Variants in FARP1 observed in about 807,000 individuals in gnomAD.
FARP1 encodes the protein FERM, ARHGEF and pleckstrin domain-containing protein 1.
In FARP1, 52 loss-of-function variants were observed where a neutral mutation model predicts 128.8. The ratio of observed to expected loss-of-function variants is 0.40; its 90% CI spans 0.32 to 0.51. FARP1 has a LOEUF of 0.51. Among genes scored for constraint, FARP1 ranks in the 20% least tolerant of loss-of-function variants. FARP1 has a pLI of 0.45. For missense variants in FARP1, 1,333 were observed against 1,367.9 expected (o/e 0.97, Z 0.40); for synonymous variants, 580 against 551.8 (o/e 1.05, Z -0.72).
intron 2 of FARP1, among the ~76,000 whole-genome samples, chr13:98,236,479 G>T (rs1377863739): frequency 6.6e-6 from 1 of 151,912 alleles, no homozygotes; most frequent in Non-Finnish European, 1.5e-5. Context: ...GAACAACACA[G>T]GTTTGAACTT....
chr13:98,447,890 C>T, intron 26 of FARP1: 1 of 282,560 alleles, frequency 3.5e-6, no homozygotes, highest in Non-Finnish European at 6.7e-6. Context: ...TTCCACTAAG[C>T]AGGATGGGAC....
chr13:98,198,664 G>A lies in FARP1; in HGVS notation c.-23-14556G>A, dbSNP rs371476321. 5.9e-5 allele frequency among the ~76,000 whole-genome samples: 9 copies of A among 151,944 alleles called. No homozygotes were observed. In the East Asian group the frequency reaches 1.2e-3, roughly 20 times the overall value. On this transcript the variant is annotated intron_variant, in intron 1 of 26. Transcript: ENST00000319562. ...GGCTGAGGAGGGCGGATCACTTAAG[G>A]CCAGGAGTTAGAAACCAGCCTGGCC...
intron 13 of FARP1, chr13:98,396,315 T>A (rs937896724): frequency 2.5e-6 from 1 of 399,102 alleles, no homozygotes; most frequent in Admixed American, 4.4e-5. Flanking sequence ...GCAGTGGGAC[T>A]GAGTCCAGTG....
At chr13:98,401,904 C>T (rs549098387) in intron 13 of FARP1, 2 of 152,104 alleles carry the variant, frequency 1.3e-5, no homozygotes, top group African/African-American at 2.4e-5. Context: ...GCATGGTAGC[C>T]TCGAAACCAA....
intron 16 of FARP1, among the ~76,000 whole-genome samples, chr13:98,422,364 G>A (rs1891624389): frequency 2.0e-5 from 3 of 152,148 alleles, no homozygotes; most frequent in Admixed American, 1.3e-4. Context: ...CGTTTAATTA[G>A]CAGAGGAGCG....
intron 2 of FARP1, among the ~76,000 whole-genome samples, chr13:98,215,793 TTC>T (rs1481295375): frequency 6.6e-6 from 1 of 151,952 alleles, no homozygotes; most frequent in Non-Finnish European, 1.5e-5. Flanking sequence ...ATTTTTCTTT[TTC>T]TCTTTTTTTT....
chr13:98,348,694 A>G (rs183921958), intron 3 of FARP1, among the ~76,000 whole-genome samples: 1 of 152,378 alleles, frequency 6.6e-6, no homozygotes, highest in African/African-American at 2.4e-5. Flanking sequence ...ATGGGCACAG[A>G]GATTTGGCTT....
At chr13:98,251,682 C>CAA (rs745852802) in intron 2 of FARP1, among the ~76,000 whole-genome samples, 8 of 90,560 alleles carry the variant, frequency 8.8e-5, no homozygotes, top group African/African-American at 1.5e-4. Context: ...GACTCCATCT[C>CAA]AAAAAAAAAA....
At chr13:98,187,140 T>A (rs1027722965) in intron 1 of FARP1, among the ~76,000 whole-genome samples, 15 of 152,270 alleles carry the variant, frequency 9.9e-5, no homozygotes, top group African/African-American at 2.9e-4. Context: ...TTTTGAGGAA[T>A]TGCCATTCCA....
rs372139477 is a variant in FARP1 at position 98,213,233 on chromosome 13, C to T, written c.-10C>T. 1.6e-4 allele frequency: 260 copies of T among 1,609,688 alleles called. No homozygotes were observed. Among genetic ancestry groups the T allele is most frequent in the Middle Eastern group, 1.2e-3 (7 of 6,014 alleles). On this transcript the variant is annotated 5_prime_UTR_variant, in exon 2 of 27. Transcript: ENST00000319562. ...TGCTTCCTGCAGATATTCTCTAAGCCGCTTTCATCATGGGAGAAATAGAGC... is the reference window on the plus strand; with the variant it reads ...TGCTTCCTGCAGATATTCTCTAAGCTGCTTTCATCATGGGAGAAATAGAGC...
intron 2 of FARP1, among the ~76,000 whole-genome samples, chr13:98,240,527 G>T (rs1231789077): frequency 6.6e-6 from 1 of 152,214 alleles, no homozygotes; most frequent in Non-Finnish European, 1.5e-5. Flanking sequence ...CAAGTTGACA[G>T]CATTATGAGA....
In FARP1 at chr13:98,176,925, C is replaced by G. The variant is rs1245868601; in HGVS notation, c.-24+33433C>G. On this transcript the variant is annotated intron_variant, in intron 1 of 26. Coordinates refer to ENST00000319562, the MANE Select transcript of FARP1 (RefSeq NM_005766.4). This position sits in a 1 kb window ranked among gnomAD's most constrained non-coding sequence, Gnocchi z 6.2. ...CAGCGGTGGCCCCCATGTCCTCTGG[C>G]CCCACAGGCTTCGCCGAGCGGGTGG... 2 of 1,603,616 alleles carry G rather than the reference C, an allele frequency of 1.2e-6. No individual in the cohort carries two copies. The highest frequency in any genetic ancestry group is 1.7e-6 in the Non-Finnish European group (2 of 1,179,842).
intron 2 of FARP1, chr13:98,333,178 T>A (rs529170508): frequency 6.6e-6 from 1 of 152,324 alleles, no homozygotes; most frequent in African/African-American, 2.4e-5. Context: ...ACTTGCCTTG[T>A]TCAGTTTTTG....
At chr13:98,314,513 CAT>C in intron 2 of FARP1, among the ~76,000 whole-genome samples, 1 of 152,002 alleles carries the variant, frequency 6.6e-6, no homozygotes, top group Non-Finnish European at 1.5e-5. Context: ...CTCTTGACCT[CAT>C]GATCTGCCCG....
chr13:98,176,638 T>A lies in FARP1; in HGVS notation c.-24+33146T>A. ...CCCGAAGCCACAGAAGCCAGTCTCCTTGTAGTCCTTGCAGATGTCAGGCTG... is the reference window on the plus strand; with the variant it reads ...CCCGAAGCCACAGAAGCCAGTCTCCATGTAGTCCTTGCAGATGTCAGGCTG... On this transcript the variant is annotated intron_variant, in intron 1 of 26. Transcript: ENST00000319562. The surrounding 1 kb of genome is among the most constrained non-coding windows in gnomAD (Gnocchi z 6.2). 6.2e-7 allele frequency: 1 copy of A among 1,614,220 alleles called. No individual in the cohort carries two copies. Among genetic ancestry groups the A allele is most frequent in the Non-Finnish European group, 8.5e-7 (1 of 1,180,036 alleles).
At position 98,195,732 on chromosome 13, in the gene FARP1, T is replaced by A. The variant is rs145108037; in HGVS notation, c.-23-17488T>A. ...TTACAACTTTCATAATTTAGACCCA[T>A]AAAACGACTACCGGCCAGGTGTGGT... On this transcript the variant is annotated intron_variant, in intron 1 of 26. Transcript: ENST00000319562. 1.1e-3 allele frequency among the ~76,000 whole-genome samples: 173 copies of A among 152,204 alleles called. 1 individual carries two copies. The highest frequency in any genetic ancestry group is 4.1e-3 in the African/African-American group (169 of 41,514).
In FARP1 at chr13:98,440,758, C is replaced by T. The variant is rs760419557; in HGVS notation, c.2718C>T (p.His906=). The T allele has an allele frequency of 6.2e-7, 1 of 1,613,402 alleles. No individual in the cohort carries two copies. The highest frequency in any genetic ancestry group is 1.1e-5 in the South Asian group (1 of 91,084). The change falls in exon 24 of 27, where the codon CAC becomes CAT. Residue 906 remains histidine, a synonymous_variant. Transcript: ENST00000319562. ...SRTSLERQAP[H]RGNTMVHVCW... ...CATCGCTGGAGCGCCAGGCCCCGCA[C>T]CGCGGCAACACAATGGTGCACGTGT...
chr13:98,444,454 C>G lies in FARP1; in HGVS notation c.2797-1644C>G, dbSNP rs11839246. 3.7e-3 allele frequency among the ~76,000 whole-genome samples: 566 copies of G among 152,244 alleles called. 2 individuals carry two copies. The highest frequency in any genetic ancestry group is 0.013 in the African/African-American group (545 of 41,544). ...GTCTGGTTCTGAACAAGGATGTTGA[C>G]CCTCTCGTGAAGGCAGTGAATGGAG... On this transcript the variant is annotated intron_variant, in intron 24 of 26. Transcript: ENST00000319562.
chr13:98,316,084 A>G (rs1886707333), intron 2 of FARP1, among the ~76,000 whole-genome samples: 1 of 152,012 alleles, frequency 6.6e-6, no homozygotes. Flanking sequence ...GTCAACCCTC[A>G]TGGTTGCTGT....
Sources: gnomAD v4.1 joint callset for allele counts (sites outside exome capture counted in the v4.1 genomes callset) on GRCh38, gnomAD v4.1.1 for gene constraint, Gnocchi (gnomAD v3.1) non-coding constraint, MANE v1.5 for transcripts, NCBI Gene and HGNC (gene_info 2026-07-23, HGNC 2026-07-21) for gene names.